The following AFF3 variants were observed in gnomAD, a reference collection of about 807,000 sequenced individuals.
AFF3 encodes the protein AF4/FMR2 family member 3.
AFF3 carries 32 observed loss-of-function variants against 129.7 expected under a neutral mutation model. The observed-to-expected ratio is 0.25, with a 90% CI of 0.19 to 0.33. The LOEUF is 0.33. Ranked by LOEUF, AFF3 falls within the 10% of genes least tolerant of loss-of-function variation. AFF3 has a pLI of 1.00. For missense variants in AFF3, 1,373 were observed against 1,592.0 expected (o/e 0.86, Z 2.34); for synonymous variants, 644 against 635.4 (o/e 1.01, Z -0.20).
rs13419968 is a variant in AFF3, at chr2:99,982,704, C to T, written c.873+23928G>A. Among the ~76,000 whole-genome samples the T allele has an allele frequency of 8.5e-3, 1,294 of 152,210 alleles. 15 individuals carry two copies. Among genetic ancestry groups the T allele is most frequent in the African/African-American group, 0.03 (1,232 of 41,508 alleles). On this transcript the variant is annotated intron_variant, in intron 7 of 24. Coordinates refer to ENST00000672756, the MANE Select transcript of AFF3 (RefSeq NM_001386135.1). ...CCCCTCATGCTATGGACCCAGGATA[C>T]TGAATCGACTAGACATTTGTAGAAA...
chr2:99,597,866 C>A (rs1431256414), intron 14 of AFF3, among the ~76,000 whole-genome samples: 2 of 152,256 alleles, frequency 1.3e-5, no homozygotes, highest in Non-Finnish European at 2.9e-5. Context: ...GATCTTCCCT[C>A]TGACTCACGC....
chr2:99,740,225 G>C (rs1457987505), intron 10 of AFF3, among the ~76,000 whole-genome samples: 1 of 149,980 alleles, frequency 6.7e-6, no homozygotes, highest in African/African-American at 2.4e-5. Flanking sequence ...TTGGACATTT[G>C]GGTTGGTTCC....
rs1240606210 is a variant in AFF3 at position 99,732,574 on chromosome 2, TAC to T, written c.1040-5448_1040-5447del. On this transcript the variant is annotated intron_variant, in intron 10 of 24. Coordinates refer to ENST00000672756, the MANE Select transcript of AFF3 (RefSeq NM_001386135.1). ...ATTTAGCCATCATCCTGCATGTAGC[TAC>T]AGTTTGTTCATCCTCACTGCTGTGC... Among the ~76,000 whole-genome samples the T allele has an allele frequency of 2.0e-5, 3 of 152,330 alleles. No homozygotes were observed. In the East Asian group the frequency reaches 5.8e-4, roughly 29 times the overall value.
At chr2:99,950,530 C>T (rs1252976591) in intron 7 of AFF3, among the ~76,000 whole-genome samples, 1 of 152,150 alleles carries the variant, frequency 6.6e-6, no homozygotes, top group Non-Finnish European at 1.5e-5. Flanking sequence ...CACAATAATT[C>T]ATTGCTACTA....
At chr2:99,663,922 A>G (rs1315713014) in intron 12 of AFF3, among the ~76,000 whole-genome samples, 3 of 152,182 alleles carry the variant, frequency 2.0e-5, no homozygotes, top group African/African-American at 7.2e-5. Context: ...TAGCTATAGT[A>G]ATGCCATCTA....
chr2:99,794,368 C>T (rs1558857630), intron 8 of AFF3, among the ~76,000 whole-genome samples: 1 of 152,114 alleles, frequency 6.6e-6, no homozygotes, highest in South Asian at 2.1e-4. Context: ...TAGCCAATCC[C>T]TTTATTCTAG....
chr2:100,084,474 T>C (rs2105372077), intron 4 of AFF3, among the ~76,000 whole-genome samples: 1 of 152,340 alleles, frequency 6.6e-6, no homozygotes. Flanking sequence ...TTCTTAATCA[T>C]TACAGTTCCT....
chr2:99,699,903 G>A (rs1235025501), intron 11 of AFF3, among the ~76,000 whole-genome samples: 7 of 152,186 alleles, frequency 4.6e-5, no homozygotes, highest in Admixed American at 4.6e-4. Flanking sequence ...TGGTGTCTAT[G>A]GGCTTCCACC....
intron 22 of AFF3, among the ~76,000 whole-genome samples, chr2:99,558,346 C>T (rs1317757299): frequency 2.6e-5 from 4 of 152,162 alleles, no homozygotes; most frequent in Non-Finnish European, 5.9e-5. Context: ...CAAGGCTGGG[C>T]GTGGTGGCTC....
chr2:100,107,577 A>C, intron 2 of AFF3: 1 of 902,618 alleles, frequency 1.1e-6, no homozygotes, highest in Non-Finnish European at 1.3e-6. Context: ...TTCTCCCCAC[A>C]TGGATGCAAG....
chr2:99,799,013 C>T (rs1480155913), intron 8 of AFF3, among the ~76,000 whole-genome samples: 2 of 151,918 alleles, frequency 1.3e-5, no homozygotes, highest in Non-Finnish European at 2.9e-5. Context: ...AAGTTAGTTT[C>T]ACAAAGTTGC....
intron 7 of AFF3, among the ~76,000 whole-genome samples, chr2:99,977,148 T>C (rs1678975863): frequency 6.6e-6 from 1 of 152,188 alleles, no homozygotes. Context: ...TGGATGTGGC[T>C]TTGTCTGAAG....
chr2:99,842,401 A>G (rs1253753267), intron 7 of AFF3, among the ~76,000 whole-genome samples: 1 of 152,170 alleles, frequency 6.6e-6, no homozygotes, highest in African/African-American at 2.4e-5. Context: ...AAAGGTACCC[A>G]CTGAGAAGGA....
At chr2:99,634,483 G>A (rs1683430001) in intron 13 of AFF3, among the ~76,000 whole-genome samples, 1 of 152,330 alleles carries the variant, frequency 6.6e-6, no homozygotes, top group Non-Finnish European at 1.5e-5. Flanking sequence ...GGAGTTAGAT[G>A]ACTGAAGGCC....
At position 99,689,656 on chromosome 2, in the gene AFF3, C is replaced by CA. The variant is rs60965683; in HGVS notation, c.1092-17068dup. On this transcript the variant is annotated intron_variant, in intron 11 of 24. Coordinates refer to ENST00000672756, the MANE Select transcript of AFF3 (RefSeq NM_001386135.1). ...GGAGACACAGGTATTTATTTAATTG[C>CA]AAAAAAAAAAAAAAAAAAAAAAAAA... 3.0e-3 allele frequency among the ~76,000 whole-genome samples: 170 copies of CA among 57,278 alleles called. 6 individuals are homozygous for CA. Among genetic ancestry groups the CA allele is most frequent in the African/African-American group, 8.2e-3 (104 of 12,698 alleles). 37.6% of individuals were successfully genotyped at this position (57,278 alleles called of 152,430 possible).
intron 22 of AFF3, among the ~76,000 whole-genome samples, chr2:99,556,987 G>T (rs969413017): frequency 3.3e-5 from 5 of 151,812 alleles, no homozygotes; most frequent in Non-Finnish European, 7.4e-5. Context: ...GAGATCTATT[G>T]TATGGGATGG....
At position 99,990,999 on chromosome 2, in the gene AFF3, A is replaced by G. The variant is rs1680287019; in HGVS notation, c.873+15633T>C. On this transcript the variant is annotated intron_variant, in intron 7 of 24. Coordinates refer to ENST00000672756, the MANE Select transcript of AFF3 (RefSeq NM_001386135.1). ...CCAATCTGTGGTGTGTACCAGAACC[A>G]CAGGCTCAAATGAGGCCCCGCTGCA... is the stretch of plus-strand genomic sequence containing the variant. Among the ~76,000 whole-genome samples the G allele has an allele frequency of 2.0e-5, 3 of 152,254 alleles. No individual in the cohort carries two copies. In the South Asian group the frequency reaches 6.2e-4, roughly 32 times the overall value.
intron 4 of AFF3, among the ~76,000 whole-genome samples, chr2:100,044,525 T>C (rs1479605665): frequency 1.3e-5 from 2 of 152,074 alleles, no homozygotes; most frequent in East Asian, 3.9e-4. Flanking sequence ...TTGACTTTCC[T>C]GTCCCACTGC....
intron 8 of AFF3, among the ~76,000 whole-genome samples, chr2:99,777,739 T>A (rs1391947780): frequency 6.6e-6 from 1 of 151,986 alleles, no homozygotes; most frequent in Non-Finnish European, 1.5e-5. Flanking sequence ...ATGAAAATGC[T>A]CTGAAGTGCT....
Sources: gnomAD v4.1 joint callset for allele counts (sites outside exome capture counted in the v4.1 genomes callset) on GRCh38, gnomAD v4.1.1 for gene constraint, MANE v1.5 for transcripts, NCBI Gene and HGNC (gene_info 2026-07-23, HGNC 2026-07-21) for gene names.